Variants in TTC17 observed in about 807,000 individuals in gnomAD.
The protein encoded by TTC17 is tetratricopeptide repeat domain 17.
In TTC17, 58 loss-of-function variants were observed where a neutral mutation model predicts 143.8. That is an observed-to-expected ratio of 0.40 (90% CI 0.33 to 0.50). The LOEUF (loss-of-function observed/expected upper bound fraction) is 0.50, where lower values mean the gene tolerates loss of function less well. Among genes scored for constraint, TTC17 ranks in the 20% least tolerant of loss-of-function variants. The pLI, the probability that TTC17 is intolerant of heterozygous loss-of-function variation, is 0.49. For missense variants in TTC17, 1,273 were observed against 1,392.5 expected, an observed-to-expected ratio of 0.91 and a Z score of 1.37; for synonymous variants, 501 against 497.8, an observed-to-expected ratio of 1.01 and a Z score of -0.09.
chr11:43,432,348 G>A (rs1398890115), intron 16 of TTC17, among the ~76,000 whole-genome samples: 1 of 152,164 alleles, frequency 6.6e-6, no homozygotes. Flanking sequence ...AATATACTAG[G>A]ATCTCATAGT....
At chr11:43,399,643 C>T (rs2134563073) in intron 8 of TTC17, among the ~76,000 whole-genome samples, 1 of 152,234 alleles carries the variant, frequency 6.6e-6, no homozygotes, top group African/African-American at 2.4e-5. Context: ...ACAATCAGGC[C>T]TCTCCATCCA....
At chr11:43,384,191 A>T (rs1204425334) in intron 2 of TTC17, among the ~76,000 whole-genome samples, 1 of 152,160 alleles carries the variant, frequency 6.6e-6, no homozygotes, top group Non-Finnish European at 1.5e-5. Context: ...CAAATAAAAA[A>T]AGAGGATGTA....
intron 1 of TTC17, among the ~76,000 whole-genome samples, chr11:43,376,252 A>G (rs1856761546): frequency 6.6e-6 from 1 of 152,222 alleles, no homozygotes; most frequent in Non-Finnish European, 1.5e-5. Context: ...AAACTGCTAC[A>G]GTAACAGTGA....
intron 5 of TTC17, among the ~76,000 whole-genome samples, chr11:43,392,342 C>T (rs1216875408): frequency 1.3e-5 from 2 of 152,010 alleles, no homozygotes; most frequent in Non-Finnish European, 2.9e-5. Flanking sequence ...CCACCAGCAA[C>T]AAAATCTTCT....
chr11:43,421,643 T>C (rs1052158079), intron 16 of TTC17, among the ~76,000 whole-genome samples: 2 of 152,212 alleles, frequency 1.3e-5, no homozygotes, highest in African/African-American at 4.8e-5. Flanking sequence ...ACGATCCTTA[T>C]GAGAATCTAA....
intron 21 of TTC17, among the ~76,000 whole-genome samples, chr11:43,483,196 ATCT>A (rs1334776349): frequency 1.3e-5 from 2 of 151,942 alleles, no homozygotes; most frequent in African/African-American, 4.8e-5. Flanking sequence ...TTTTTAAAAA[ATCT>A]TCTCACAAAG....
At chr11:43,478,617 T>A (rs1470267263) in intron 21 of TTC17, among the ~76,000 whole-genome samples, 1 of 152,066 alleles carries the variant, frequency 6.6e-6, no homozygotes, top group African/African-American at 2.4e-5. Flanking sequence ...TTTATTTATG[T>A]AATTTAAAGT....
chr11:43,383,658 C>T (rs12295064), intron 2 of TTC17, among the ~76,000 whole-genome samples: 8,905 of 152,122 alleles, frequency 0.059, 288 homozygotes, highest in African/African-American at 0.094. Flanking sequence ...CGGGAGCCAC[C>T]GTGCCCGGCC....
intron 16 of TTC17, among the ~76,000 whole-genome samples, chr11:43,423,263 T>C (rs1419049647): frequency 6.6e-6 from 1 of 152,186 alleles, no homozygotes; most frequent in Non-Finnish European, 1.5e-5. Context: ...TTTCTAACTT[T>C]GGTAACTGGA....
chr11:43,427,525 A>T (rs1014532016), intron 16 of TTC17, among the ~76,000 whole-genome samples: 1 of 152,172 alleles, frequency 6.6e-6, no homozygotes, highest in African/African-American at 2.4e-5. Flanking sequence ...TGCTAGTTTG[A>T]TGAGTTAGCA....
chr11:43,363,392 A>G (rs1428545716), intron 1 of TTC17, among the ~76,000 whole-genome samples: 1 of 152,210 alleles, frequency 6.6e-6, no homozygotes, highest in African/African-American at 2.4e-5. Flanking sequence ...TATATGTTCC[A>G]TGCTCTAGGT....
chr11:43,405,610 C>G lies in TTC17; in HGVS notation c.1576C>G (p.Pro526Ala). 6.2e-7 allele frequency: 1 copy of G among 1,613,878 alleles called. No individual in the cohort carries two copies. The highest frequency in any genetic ancestry group is 1.1e-5 in the South Asian group (1 of 91,066). Residue 526 changes from proline (P) to alanine (A), a missense_variant, in exon 12 of 24, where the codon CCG becomes GCG. Physicochemically the swap from Pro to Ala is conservative, Grantham distance 27. This residue lies in a region of TTC17 where 878 missense variants were observed against 899.8 expected (regional missense o/e 0.98). Transcript: ENST00000039989. Reference protein sequence around the residue: ...GGELPTYFLPPENKGLRIHEL... With the variant: ...GGELPTYFLPAENKGLRIHEL... ...GGAATTGCCAACGTATTTTCTGCCT[C>G]CGGAAAACAAAGGACTCAGGCAAGT...
chr11:43,389,012 G>A (rs1169932761), intron 2 of TTC17, among the ~76,000 whole-genome samples: 1 of 150,966 alleles, frequency 6.6e-6, no homozygotes, highest in Non-Finnish European at 1.5e-5. Flanking sequence ...TGTGGGACAT[G>A]CCTGTAGTCC....
At chr11:43,451,052 A>C (rs1476015396) in intron 20 of TTC17, 130 bp from the exon 21 acceptor site, 13 of 752,440 alleles carry the variant, frequency 1.7e-5, no homozygotes, top group Non-Finnish European at 2.1e-5. Flanking sequence ...TACCTTACCA[A>C]TAGGACCACA....
chr11:43,359,309 G>C lies in TTC17; in HGVS notation c.159+196G>C, dbSNP rs186616213. 7.4e-6 allele frequency: 5 copies of C among 679,100 alleles called. No individual in the cohort carries two copies. The South Asian group carries it at 7.6e-5, about 10-fold the overall frequency. The allele number at this position is 679,100 out of a possible 1,614,324, so 42.1% of individuals were successfully genotyped here. A position where few individuals can be genotyped will look rare whatever the true frequency, so the allele number is the denominator to read the frequency against. On this transcript the variant is annotated intron_variant, in intron 1 of 23. Coordinates refer to ENST00000039989, the MANE Select transcript of TTC17 (RefSeq NM_018259.6). ...GCTCCCCACTTGTCTCCTGGTCCTC[G>C]TTTGGCCCCCTAGAAGTTCTCACCC...
At chr11:43,482,019 A>T (rs1564983652) in intron 21 of TTC17, among the ~76,000 whole-genome samples, 1 of 152,088 alleles carries the variant, frequency 6.6e-6, no homozygotes, top group Non-Finnish European at 1.5e-5. Context: ...CATGTTGCCC[A>T]GGTCAGTCTC....
chr11:43,402,392 G>A (rs541103050), intron 10 of TTC17, among the ~76,000 whole-genome samples: 10 of 152,092 alleles, frequency 6.6e-5, no homozygotes, highest in African/African-American at 2.2e-4. Context: ...CCCACTGCTA[G>A]GTGTGTACTT....
In TTC17 at chr11:43,413,022, AC is replaced by A. The variant is rs1565153405; in HGVS notation, c.2065-1567del. ...CACACACACACACACACACACACAC[AC>A]ACACAAATGGGGGCAGGGTGATGGG... On this transcript the variant is annotated intron_variant, in intron 15 of 23. Coordinates refer to ENST00000039989, the MANE Select transcript of TTC17 (RefSeq NM_018259.6). Among the ~76,000 whole-genome samples the A allele has an allele frequency of 3.3e-3, 475 of 144,338 alleles. 6 individuals are homozygous for A. The highest frequency in any genetic ancestry group is 0.011 in the Middle Eastern group (3 of 268). 94.7% of individuals were successfully genotyped at this position (144,338 alleles called of 152,430 possible).
At chr11:43,391,250 T>A (rs963980909) in intron 3 of TTC17, among the ~76,000 whole-genome samples, 1 of 151,878 alleles carries the variant, frequency 6.6e-6, no homozygotes, top group Non-Finnish European at 1.5e-5. Context: ...GTAAAAAAAA[T>A]TAACTGATTG....
Sources: allele counts gnomAD v4.1 joint callset (sites outside exome capture counted in the v4.1 genomes callset), GRCh38; gene constraint gnomAD v4.1.1; regional missense constraint gnomAD v4.1.1; transcripts MANE v1.5; gene names NCBI Gene and HGNC (gene_info 2026-07-23, HGNC 2026-07-21).